Variants in MAP2K4 observed in about 807,000 individuals in gnomAD.
MAP2K4 encodes the protein mitogen-activated protein kinase kinase 4, also known as dual specificity mitogen-activated protein kinase kinase 4.
A neutral mutation model predicts 48.5 loss-of-function variants in MAP2K4; 4 were observed. The observed-to-expected ratio is 0.08, with a 90% confidence interval of 0.04 to 0.19. The LOEUF is 0.19. Among genes scored for constraint, MAP2K4 ranks in the 10% least tolerant of loss-of-function variants. MAP2K4 has a pLI of 1.00. For missense variants in MAP2K4, 258 were observed against 493.3 expected (o/e 0.52, Z 4.52); for synonymous variants, 166 against 173.1 (o/e 0.96, Z 0.32).
At chr17:12,051,003 G>C (rs986425410) in intron 1 of MAP2K4, among the ~76,000 whole-genome samples, 2 of 152,156 alleles carry the variant, frequency 1.3e-5, no homozygotes, top group African/African-American at 4.8e-5. Context: ...AAAGGTGCTG[G>C]CTGTTCTCTT....
intron 2 of MAP2K4, among the ~76,000 whole-genome samples, chr17:12,067,704 A>G (rs947743470): frequency 3.9e-5 from 6 of 152,368 alleles, no homozygotes; most frequent in African/African-American, 1.4e-4. Context: ...GGAGCAAGTC[A>G]TAGTTGCCAG....
At position 12,141,276 on chromosome 17, in the gene MAP2K4, A is replaced by C; in HGVS notation, c.*16A>C. ...TGTCGATTGATATCGCTGCTACATC[A>C]GACTCTAGAAAAAAGGGCTGAGAGG... On this transcript the variant is annotated 3_prime_UTR_variant, in exon 11 of 11. Transcript: ENST00000353533. The C allele has an allele frequency of 6.4e-7, 1 of 1,559,326 alleles. No homozygotes were observed.
chr17:12,020,900 G>C lies in MAP2K4; in HGVS notation c.14G>C (p.Ser5Thr). Residue 5 changes from serine (S) to threonine (T), a missense_variant, in exon 1 of 11, where the codon AGC becomes ACC. By Grantham distance (58) the Ser-to-Thr change is moderately conservative. This residue lies in a region of MAP2K4 where 69 missense variants were observed against 56.2 expected (regional missense o/e 1.23). Transcript: ENST00000353533. ...TCACTCCCAACAATGGCGGCTCCGA[G>C]CCCGAGCGGCGGCGGCGGCTCCGGG... MAAP[S>T]PSGGGGSGGG... is the part of the protein sequence containing the mutation. The C allele has an allele frequency of 8.2e-7, 1 of 1,213,614 alleles. No individual in the cohort carries two copies. The highest frequency in any genetic ancestry group is 1.0e-6 in the Non-Finnish European group (1 of 976,054). The allele number at this position is 1,213,614 out of a possible 1,614,324, so 75.2% of individuals were successfully genotyped here. A position where few individuals can be genotyped will look rare whatever the true frequency, so the allele number is the denominator to read the frequency against.
intron 2 of MAP2K4, among the ~76,000 whole-genome samples, chr17:12,072,916 C>G (rs934715151): frequency 1.3e-5 from 2 of 152,114 alleles, no homozygotes; most frequent in African/African-American, 4.8e-5. Flanking sequence ...TAAGAATTAG[C>G]TAACAGATCA....
chr17:12,116,217 A>G (rs1040695186), intron 7 of MAP2K4, among the ~76,000 whole-genome samples: 2 of 152,222 alleles, frequency 1.3e-5, no homozygotes, highest in African/African-American at 2.4e-5. Context: ...TACTTTTGTT[A>G]GAATAAATTA....
intron 4 of MAP2K4, among the ~76,000 whole-genome samples, chr17:12,101,378 G>A (rs1159400196): frequency 6.6e-6 from 1 of 151,910 alleles, no homozygotes; most frequent in Non-Finnish European, 1.5e-5. Flanking sequence ...TCTTTGCACT[G>A]ATCTCACATG....
chr17:12,125,881 G>A (rs1484141471), intron 8 of MAP2K4, among the ~76,000 whole-genome samples: 1 of 152,108 alleles, frequency 6.6e-6, no homozygotes, highest in East Asian at 1.9e-4. Context: ...CAGTTTTTGA[G>A]GGACAATATA....
At chr17:12,054,083 A>G (rs1249404017) in intron 1 of MAP2K4, among the ~76,000 whole-genome samples, 1 of 152,160 alleles carries the variant, frequency 6.6e-6, no homozygotes, top group African/African-American at 2.4e-5. Flanking sequence ...ATGTTAGTGA[A>G]TAAAGCATTT....
intron 1 of MAP2K4, among the ~76,000 whole-genome samples, chr17:12,035,333 C>T (rs1470625396): frequency 6.6e-6 from 1 of 152,096 alleles, no homozygotes; most frequent in South Asian, 2.1e-4. Flanking sequence ...GCCAGACCAA[C>T]ATGGAGAAAC....
chr17:12,026,105 C>T (rs1416715831), intron 1 of MAP2K4, among the ~76,000 whole-genome samples: 1 of 152,116 alleles, frequency 6.6e-6, no homozygotes, highest in Non-Finnish European at 1.5e-5. Context: ...TAGAGCAACC[C>T]TAGTATTAAA....
chr17:12,075,567 G>A (rs914622471), intron 2 of MAP2K4, among the ~76,000 whole-genome samples: 1 of 152,202 alleles, frequency 6.6e-6, no homozygotes, highest in South Asian at 2.1e-4. Flanking sequence ...GGAAGGCTCA[G>A]GGGCGCTATC....
At chr17:12,095,762 C>A in intron 4 of MAP2K4, 68 bp downstream of exon 4, 1 of 1,519,116 alleles carries the variant, frequency 6.6e-7, no homozygotes, top group South Asian at 1.2e-5. Context: ...TGGCAGGATT[C>A]GATTCTATTC....
At chr17:12,134,956 G>A (rs986820143) in intron 9 of MAP2K4, among the ~76,000 whole-genome samples, 2 of 152,190 alleles carry the variant, frequency 1.3e-5, no homozygotes, top group Non-Finnish European at 2.9e-5. Flanking sequence ...AGACTGGAGT[G>A]CAGTGGCATG....
At chr17:12,021,820 G>A (rs1969080902) in intron 1 of MAP2K4, among the ~76,000 whole-genome samples, 1 of 151,808 alleles carries the variant, frequency 6.6e-6, no homozygotes, top group Non-Finnish European at 1.5e-5. Context: ...TGATACTGTA[G>A]TGTCTGGACA....
chr17:12,128,296 G>A (rs2151590198), intron 8 of MAP2K4, among the ~76,000 whole-genome samples: 1 of 152,212 alleles, frequency 6.6e-6, no homozygotes, highest in African/African-American at 2.4e-5. Context: ...ACAGGATGGT[G>A]TCCATCTCCT....
chr17:12,053,758 A>G (rs1444308500), intron 1 of MAP2K4, among the ~76,000 whole-genome samples: 1 of 151,798 alleles, frequency 6.6e-6, no homozygotes, highest in Non-Finnish European at 1.5e-5. Flanking sequence ...CGTGGCAAGG[A>G]GCTCTGTGCT....
Position 12,121,491 on chromosome 17 carries a change from C to T in MAP2K4, c.814-3803C>T, listed in dbSNP as rs536956945. Among the ~76,000 whole-genome samples, 6 of 145,042 alleles carry T rather than the reference C, an allele frequency of 4.1e-5. No homozygotes were observed. The South Asian group carries it at 9.5e-4, about 23-fold the overall frequency. ...TCAGGAGGCTGAGGCAGGAGAATGGCGGGAACCCGGGAGGCGGAGCTTGCA... is the reference window on the plus strand; with the variant it reads ...TCAGGAGGCTGAGGCAGGAGAATGGTGGGAACCCGGGAGGCGGAGCTTGCA... On this transcript the variant is annotated intron_variant, in intron 7 of 10. Coordinates refer to ENST00000353533, the MANE Select transcript of MAP2K4 (RefSeq NM_003010.4).
At chr17:12,046,196 G>A (rs1969959281) in intron 1 of MAP2K4, among the ~76,000 whole-genome samples, 1 of 152,162 alleles carries the variant, frequency 6.6e-6, no homozygotes, top group South Asian at 2.1e-4. Context: ...CTGAACCAAA[G>A]GTGGAGATAA....
intron 3 of MAP2K4, among the ~76,000 whole-genome samples, chr17:12,089,368 T>C (rs1320304568): frequency 6.6e-6 from 1 of 152,164 alleles, no homozygotes; most frequent in African/African-American, 2.4e-5. Context: ...CTGATTTTGG[T>C]TGGTGGTAAA....
Sources: gnomAD v4.1 joint callset for allele counts (sites outside exome capture counted in the v4.1 genomes callset) on GRCh38, gnomAD v4.1.1 for gene constraint, gnomAD v4.1.1 regional missense constraint, MANE v1.5 for transcripts, NCBI Gene and HGNC (gene_info 2026-07-23, HGNC 2026-07-21) for gene names.